EYS: variants seen among roughly 807,000 people sequenced by gnomAD.
EYS encodes the protein EGF-like photoreceptor maintenance factor.
In EYS, 250 loss-of-function variants were observed where a neutral mutation model predicts 282.1. That is an observed-to-expected ratio of 0.89 (90% CI 0.80 to 0.98). The LOEUF (loss-of-function observed/expected upper bound fraction) is 0.98. Ranked by LOEUF, EYS falls within the 50% of genes least tolerant of loss-of-function variation. The pLI, the probability that EYS is intolerant of heterozygous loss-of-function variation, is 0.00. For missense variants in EYS, 4,016 were observed against 3,709.0 expected (o/e 1.08, Z -2.15); for synonymous variants, 1,355 against 1,282.9 (o/e 1.06, Z -1.20).
rs186037120 is a variant in EYS, at chr6:65,490,867, T to C, written c.749-160A>G. Among the ~76,000 whole-genome samples, 10 of 152,210 alleles carry C rather than the reference T, an allele frequency of 6.6e-5. No homozygotes were observed. In the East Asian group the frequency reaches 1.7e-3, roughly 26 times the overall value. On this transcript the variant is annotated intron_variant, in intron 4 of 42. Coordinates refer to ENST00000503581, the MANE Select transcript of EYS (RefSeq NM_001142800.2). Reference sequence around the variant, plus strand: ...GATGCATTTAAATTGAAATAAAAATTAATTTTGATACTTTACATAAGTTTT... The same window carrying C: ...GATGCATTTAAATTGAAATAAAAATCAATTTTGATACTTTACATAAGTTTT...
chr6:63,882,304 G>C (rs1040267070), intron 35 of EYS, among the ~76,000 whole-genome samples: 2 of 152,120 alleles, frequency 1.3e-5, no homozygotes, highest in African/African-American at 4.8e-5. Flanking sequence ...CCAATAAATA[G>C]CTTCATACAA....
At chr6:65,109,329 T>C (rs930225672) in intron 12 of EYS, among the ~76,000 whole-genome samples, 1 of 152,108 alleles carries the variant, frequency 6.6e-6, no homozygotes, top group Non-Finnish European at 1.5e-5. Context: ...ATAGCTATTA[T>C]AAAAGTTAAA....
At chr6:64,617,007 G>T (rs921461739) in intron 24 of EYS, among the ~76,000 whole-genome samples, 2 of 152,020 alleles carry the variant, frequency 1.3e-5, no homozygotes, top group Non-Finnish European at 2.9e-5. Flanking sequence ...AAGCAGATCC[G>T]TCCTCCTCGG....
chr6:63,789,367 T>C, intron 37 of EYS, 143 bp from the exon 38 acceptor site: 7 of 750,410 alleles, frequency 9.3e-6, no homozygotes, highest in Non-Finnish European at 1.4e-5. Flanking sequence ...CATTTAGGTA[T>C]ATGTGCAACT....
intron 29 of EYS, among the ~76,000 whole-genome samples, chr6:64,346,204 A>G (rs955855441): frequency 2.2e-4 from 34 of 152,238 alleles, no homozygotes; most frequent in Non-Finnish European, 4.6e-4. Context: ...ATTACTGGGT[A>G]TCTACCCAAA....
At chr6:65,438,576 G>A (rs1229218224) in intron 5 of EYS, among the ~76,000 whole-genome samples, 1 of 152,118 alleles carries the variant, frequency 6.6e-6, no homozygotes, top group Non-Finnish European at 1.5e-5. Flanking sequence ...CTATCTCATT[G>A]TGGTTTTGAT....
chr6:64,344,934 G>A (rs748254818), intron 29 of EYS, among the ~76,000 whole-genome samples: 1 of 152,000 alleles, frequency 6.6e-6, no homozygotes, highest in East Asian at 1.9e-4. Context: ...AATCATGAGT[G>A]AACTCCCATT....
chr6:64,657,046 G>C (rs1254928480), intron 22 of EYS, among the ~76,000 whole-genome samples: 1 of 152,072 alleles, frequency 6.6e-6, no homozygotes, highest in African/African-American at 2.4e-5. Flanking sequence ...TCCTGTATTG[G>C]GTGCATATAT....
At chr6:64,193,221 A>T (rs1765170866) in intron 31 of EYS, among the ~76,000 whole-genome samples, 1 of 152,218 alleles carries the variant, frequency 6.6e-6, no homozygotes, top group Admixed American at 6.5e-5. Flanking sequence ...GGCAGAATTG[A>T]AATATTTACA....
At chr6:65,066,659 T>C (rs575848343) in intron 12 of EYS, among the ~76,000 whole-genome samples, 2 of 152,302 alleles carry the variant, frequency 1.3e-5, no homozygotes, top group Admixed American at 1.3e-4. Flanking sequence ...AAAGACTGAA[T>C]ACAAATTGAT....
intron 28 of EYS, among the ~76,000 whole-genome samples, chr6:64,409,195 A>G (rs1174704129): frequency 3.3e-5 from 5 of 152,178 alleles, no homozygotes; most frequent in Non-Finnish European, 5.9e-5. Flanking sequence ...CCAGTCCACT[A>G]TTAATGGGCA....
chr6:63,793,505 T>G (rs932011593), intron 37 of EYS, among the ~76,000 whole-genome samples: 5 of 152,238 alleles, frequency 3.3e-5, no homozygotes, highest in Admixed American at 2.0e-4. Context: ...CCTTTTAAAG[T>G]GGCGTTGCAC....
intron 22 of EYS, among the ~76,000 whole-genome samples, chr6:64,685,201 A>G (rs55903007): frequency 0.12 from 17,969 of 152,146 alleles, 1,384 homozygotes; most frequent in East Asian, 0.29. Flanking sequence ...ATAATGGCAA[A>G]AGGAAAAATT....
chr6:64,598,841 A>C (rs1419129930), intron 24 of EYS, among the ~76,000 whole-genome samples: 1 of 152,228 alleles, frequency 6.6e-6, no homozygotes, highest in East Asian at 1.9e-4. Context: ...AAATATCCCA[A>C]AATACATAAT....
intron 26 of EYS, among the ~76,000 whole-genome samples, chr6:64,524,654 T>C (rs1479111282): frequency 6.6e-6 from 1 of 151,676 alleles, no homozygotes; most frequent in African/African-American, 2.4e-5. Context: ...TTTTTGTGTA[T>C]GGTAAGGGGT....
At chr6:65,432,938 G>GT (rs1285346657) in intron 5 of EYS, among the ~76,000 whole-genome samples, 1 of 151,306 alleles carries the variant, frequency 6.6e-6, no homozygotes, top group Admixed American at 6.6e-5. Flanking sequence ...GTTTTTGTTT[G>GT]TTTTTTAACC....
At chr6:63,905,052 G>A (rs1043945644) in intron 35 of EYS, among the ~76,000 whole-genome samples, 8 of 152,160 alleles carry the variant, frequency 5.3e-5, no homozygotes, top group African/African-American at 1.4e-4. Context: ...GCAGTCACTC[G>A]TCATTTCCTG....
At position 65,443,341 on chromosome 6, in the gene EYS, CACATATAGACATATATGCATACATGT is replaced by C. The variant is rs1768481453; in HGVS notation, c.863-38000_863-37975del. Among the ~76,000 whole-genome samples, 7 of 116,426 alleles carry C rather than the reference CACATATAGACATATATGCATACATGT, an allele frequency of 6.0e-5. No homozygotes were observed. In the South Asian group the frequency reaches 1.9e-3, roughly 31 times the overall value. The allele number at this position is 116,426 out of a possible 152,430, so 76.4% of individuals were successfully genotyped here. On this transcript the variant is annotated intron_variant, in intron 5 of 42. Coordinates refer to ENST00000503581, the MANE Select transcript of EYS (RefSeq NM_001142800.2). ...AGACATATATGCATACATGTATGTA[CACATATAGACATATATGCATACATGT>C]ATGTACACATATAGACATATATGCA...
At chr6:63,880,487 GTATC>G (rs56891791) in intron 35 of EYS, among the ~76,000 whole-genome samples, 166 of 142,880 alleles carry the variant, frequency 1.2e-3, no homozygotes, top group Middle Eastern at 3.5e-3. Context: ...CTGTCTGTCT[GTATC>G]TATCTATCTA....
Sources: allele counts gnomAD v4.1 joint callset (sites outside exome capture counted in the v4.1 genomes callset), GRCh38; gene constraint gnomAD v4.1.1; transcripts MANE v1.5; gene names NCBI Gene and HGNC (gene_info 2026-07-23, HGNC 2026-07-21).